The following MAD1L1 variants were observed in gnomAD, a reference collection of about 807,000 sequenced individuals.
MAD1L1 encodes the protein mitotic arrest deficient 1 like 1.
Under a neutral mutation model 96.9 loss-of-function variants are expected in MAD1L1, and 95 were observed. The ratio of observed to expected loss-of-function variants is 0.98; its 90% confidence interval spans 0.83 to 1.16. The LOEUF (loss-of-function observed/expected upper bound fraction) is 1.16. Among genes scored for constraint, MAD1L1 ranks in the 50% most tolerant of loss-of-function variants. MAD1L1 has a pLI of 0.00. For missense variants in MAD1L1, 1,007 were observed against 954.4 expected, an observed-to-expected ratio of 1.06 and a Z score of -0.73; for synonymous variants, 473 against 396.6, an observed-to-expected ratio of 1.19 and a Z score of -2.29.
intron 10 of MAD1L1, among the ~76,000 whole-genome samples, chr7:2,168,741 G>C (rs1415770673): frequency 1.3e-5 from 2 of 152,284 alleles, no homozygotes; most frequent in African/African-American, 2.4e-5. Context: ...TCAAGGTCCT[G>C]AGGCCGGAAC....
intron 14 of MAD1L1, among the ~76,000 whole-genome samples, chr7:1,995,657 C>T (rs578122872): frequency 6.6e-6 from 1 of 152,320 alleles, no homozygotes; most frequent in South Asian, 2.1e-4. Flanking sequence ...CCAGACACAT[C>T]CCTGGCCCCA....
intron 11 of MAD1L1, among the ~76,000 whole-genome samples, chr7:2,139,525 G>C (rs1451902258): frequency 6.6e-6 from 1 of 152,244 alleles, no homozygotes; most frequent in Non-Finnish European, 1.5e-5. Context: ...AGCACCCTGA[G>C]AGTATGGAAA....
intron 11 of MAD1L1, among the ~76,000 whole-genome samples, chr7:2,091,701 A>G (rs745486507): frequency 1.3e-5 from 2 of 151,736 alleles, no homozygotes; most frequent in Non-Finnish European, 2.9e-5. Context: ...GCGTGAACCC[A>G]GGAGGCGGAG....
intron 12 of MAD1L1, among the ~76,000 whole-genome samples, chr7:2,051,742 T>G (rs148413477): frequency 0.032 from 4,137 of 127,798 alleles, 404 homozygotes; most frequent in African/African-American, 0.13. Flanking sequence ...TCACCTTGCT[T>G]TCCACCCCCC....
chr7:2,164,510 G>A (rs1189241775), intron 10 of MAD1L1, among the ~76,000 whole-genome samples: 1 of 147,150 alleles, frequency 6.8e-6, no homozygotes, highest in Non-Finnish European at 1.5e-5. Context: ...TGCCTATCAG[G>A]TTGTAGGTCA....
intron 18 of MAD1L1, among the ~76,000 whole-genome samples, chr7:1,863,267 G>A (rs143711968): frequency 2.0e-5 from 3 of 152,378 alleles, no homozygotes; most frequent in Admixed American, 6.5e-5. Flanking sequence ...CATCAGGCCC[G>A]AGAGGGCAGG....
chr7:2,173,901 C>T (rs534370558), intron 10 of MAD1L1, among the ~76,000 whole-genome samples: 4 of 152,190 alleles, frequency 2.6e-5, no homozygotes, highest in South Asian at 2.1e-4. Context: ...TGGGCTCAAG[C>T]GATCCTCCTG....
intron 14 of MAD1L1, among the ~76,000 whole-genome samples, chr7:2,000,897 T>C (rs761031370): frequency 3.4e-4 from 51 of 152,204 alleles, no homozygotes; most frequent in Non-Finnish European, 6.8e-4. Context: ...GGGCAGCTTC[T>C]TCCAGGGTCT....
intron 12 of MAD1L1, among the ~76,000 whole-genome samples, chr7:2,025,055 A>C (rs1242422585): frequency 6.6e-6 from 1 of 152,242 alleles, no homozygotes; most frequent in East Asian, 1.9e-4. Flanking sequence ...ATAATGTGTC[A>C]GTACTGGTTC....
intron 12 of MAD1L1, among the ~76,000 whole-genome samples, chr7:2,056,125 G>A (rs984665522): frequency 2.0e-5 from 3 of 152,254 alleles, no homozygotes; most frequent in Admixed American, 6.5e-5. Context: ...CTCAGCGGGC[G>A]CCACAGGGAA....
intron 10 of MAD1L1, among the ~76,000 whole-genome samples, chr7:2,197,200 G>A (rs908982481): frequency 6.6e-6 from 1 of 152,184 alleles, no homozygotes; most frequent in African/African-American, 2.4e-5. Flanking sequence ...CGCAGCATCT[G>A]GCCAACCTGT....
chr7:2,078,999 T>A (rs1348880057), intron 11 of MAD1L1, among the ~76,000 whole-genome samples: 2 of 146,320 alleles, frequency 1.4e-5, no homozygotes, highest in Admixed American at 7.0e-5. Flanking sequence ...GCCACACAGG[T>A]GACACGTTCC....
chr7:1,957,775 TC>T, intron 15 of MAD1L1, 56 bp from the exon 16 acceptor site: 1 of 1,538,480 alleles, frequency 6.5e-7, no homozygotes, highest in Non-Finnish European at 9.0e-7. Context: ...GCTGGGGAAG[TC>T]CCACCCTCTG....
At position 1,870,389 on chromosome 7, in the gene MAD1L1, C is replaced by A. The variant is rs962083084; in HGVS notation, c.1998+27811G>T. Among the ~76,000 whole-genome samples the A allele has an allele frequency of 1.7e-4, 25 of 144,504 alleles. 1 individual carries two copies. The highest frequency in any genetic ancestry group is 1.5e-3 in the Admixed American group (21 of 14,472). 94.8% of individuals were successfully genotyped at this position (144,504 alleles called of 152,430 possible). ...CCAACATACGCTTGCCATGCTGAAC[C>A]CACCATAACACCTGCCACGCTGAAC... On this transcript the variant is annotated intron_variant, in intron 18 of 18. Transcript: ENST00000265854.
intron 11 of MAD1L1, among the ~76,000 whole-genome samples, chr7:2,127,667 C>T (rs1462801522): frequency 6.6e-6 from 1 of 152,118 alleles, no homozygotes; most frequent in African/African-American, 2.4e-5. Flanking sequence ...AGCGGACCCA[C>T]AGGAACCCAC....
chr7:2,025,980 A>C (rs904465799), intron 12 of MAD1L1, among the ~76,000 whole-genome samples: 5 of 152,224 alleles, frequency 3.3e-5, no homozygotes, highest in Admixed American at 6.5e-5. Flanking sequence ...ATTTCAATGC[A>C]AATGTATCAT....
intron 18 of MAD1L1, among the ~76,000 whole-genome samples, chr7:1,886,613 G>A (rs753030776): frequency 3.3e-5 from 5 of 152,230 alleles, no homozygotes; most frequent in Non-Finnish European, 5.9e-5. Context: ...GCGTGTGCAG[G>A]TTCTCTGCTC....
chr7:1,994,657 G>C (rs1030888619), intron 14 of MAD1L1, among the ~76,000 whole-genome samples: 5 of 151,884 alleles, frequency 3.3e-5, no homozygotes, highest in South Asian at 2.1e-4. Flanking sequence ...CGGAGCCTCG[G>C]GGGGGGGATT....
intron 2 of MAD1L1, 120 bp downstream of exon 2, chr7:2,230,429 G>A: frequency 2.9e-6 from 1 of 340,246 alleles, no homozygotes; most frequent in South Asian, 3.3e-5. Flanking sequence ...GGGAGGCGGG[G>A]CTCAGCACTC....
Sources: gnomAD v4.1 joint callset for allele counts (sites outside exome capture counted in the v4.1 genomes callset) on GRCh38, gnomAD v4.1.1 for gene constraint, MANE v1.5 for transcripts, NCBI Gene and HGNC (gene_info 2026-07-23, HGNC 2026-07-21) for gene names.